NCALD: variants seen among roughly 807,000 people sequenced by gnomAD.
NCALD encodes neurocalcin-delta.
In NCALD, 10 loss-of-function variants were observed where a neutral mutation model predicts 18.6. The observed-to-expected ratio is 0.54, with a 90% confidence interval of 0.33 to 0.91. The LOEUF is 0.91. NCALD is among the 40% of genes least tolerant of loss of function. The pLI is 0.03. For missense variants in NCALD, 184 were observed against 247.6 expected (o/e 0.74, Z 1.72); for synonymous variants, 88 against 87.4 (o/e 1.01, Z -0.04).
intron 2 of NCALD, among the ~76,000 whole-genome samples, chr8:101,930,200 CAT>C (rs767558210): frequency 7.2e-4 from 110 of 151,902 alleles, no homozygotes; most frequent in Non-Finnish European, 1.2e-3. Flanking sequence ...AGAAAAATAA[CAT>C]ATTTTTATTA....
chr8:101,764,568 T>C (rs532394686), intron 1 of NCALD, among the ~76,000 whole-genome samples: 1 of 152,292 alleles, frequency 6.6e-6, no homozygotes, highest in East Asian at 1.9e-4. Context: ...CAGCCCCCTT[T>C]GAAAGACCTT....
At chr8:101,970,602 A>G (rs1022824927) in intron 2 of NCALD, among the ~76,000 whole-genome samples, 1 of 152,204 alleles carries the variant, frequency 6.6e-6, no homozygotes, top group African/African-American at 2.4e-5. Flanking sequence ...AAAGCCTAAC[A>G]TGTGGTTTAA....
At chr8:102,100,636 A>G (rs1050808581) in intron 1 of NCALD, among the ~76,000 whole-genome samples, 1 of 152,240 alleles carries the variant, frequency 6.6e-6, no homozygotes, top group East Asian at 1.9e-4. Context: ...ATTAGCCAAT[A>G]GGTGGAAGGA....
chr8:101,938,518 T>C (rs1434663584), intron 2 of NCALD, among the ~76,000 whole-genome samples: 2 of 152,180 alleles, frequency 1.3e-5, no homozygotes, highest in Non-Finnish European at 2.9e-5. Context: ...GATAAACAGC[T>C]ACAGTTTTCA....
At chr8:101,884,199 G>A (rs11777124) in intron 4 of NCALD, among the ~76,000 whole-genome samples, 8,125 of 152,242 alleles carry the variant, frequency 0.053, 310 homozygotes, top group South Asian at 0.085. Context: ...CTGCAGGGAA[G>A]CCTTCCCTGA....
At chr8:101,973,182 G>A (rs1186269266) in intron 2 of NCALD, among the ~76,000 whole-genome samples, 1 of 152,170 alleles carries the variant, frequency 6.6e-6, no homozygotes, top group African/African-American at 2.4e-5. Flanking sequence ...ACTTTGTTCA[G>A]ATTTCCTTAG....
In NCALD at chr8:101,689,810, C is replaced by T. The variant is rs1216734650; in HGVS notation, c.485-404G>A. On this transcript the variant is annotated intron_variant, in intron 3 of 3. Transcript: ENST00000220931. The surrounding 1 kb of genome is among the most constrained non-coding windows in gnomAD (Gnocchi z 4.4). Reference sequence around the variant, plus strand: ...TGCATTTATGAGAATGAGCTGGGCCCTGGCAGCACCCGGTTGGTTCCCATA... The same window carrying T: ...TGCATTTATGAGAATGAGCTGGGCCTTGGCAGCACCCGGTTGGTTCCCATA... Among the ~76,000 whole-genome samples the T allele has an allele frequency of 6.6e-6, 1 of 152,218 alleles. No individual in the cohort carries two copies. The highest frequency in any genetic ancestry group is 1.5e-5 in the Non-Finnish European group (1 of 68,038).
At chr8:102,116,107 G>A (rs1313075638) in intron 1 of NCALD, among the ~76,000 whole-genome samples, 4 of 146,524 alleles carry the variant, frequency 2.7e-5, no homozygotes, top group Non-Finnish European at 4.5e-5. Context: ...GGGGCCTGTC[G>A]TAGGGTGGGG....
intron 1 of NCALD, among the ~76,000 whole-genome samples, chr8:101,763,966 CCACACACACA>C (rs754411989): frequency 2.9e-4 from 25 of 85,298 alleles, no homozygotes; most frequent in African/African-American, 9.0e-4. Flanking sequence ...CTCTCTCTCT[CCACACACACA>C]CACACACACA....
intron 4 of NCALD, among the ~76,000 whole-genome samples, chr8:101,878,453 T>C (rs181009545): frequency 2.2e-4 from 34 of 152,358 alleles, no homozygotes; most frequent in Middle Eastern, 3.4e-3. Flanking sequence ...GTTTTAAATA[T>C]AATTTTGTTT....
chr8:101,872,116 T>G, intron 4 of NCALD: 1 of 1,602,076 alleles, frequency 6.2e-7, no homozygotes, highest in Non-Finnish European at 8.5e-7. Context: ...TTTGATAAAT[T>G]TGACATCAGG....
intron 3 of NCALD, chr8:101,692,098 G>C: frequency 1.0e-6 from 1 of 974,678 alleles, no homozygotes; most frequent in South Asian, 4.7e-5. Context: ...AACTGTTGCT[G>C]TTTATCTGAA....
intron 4 of NCALD, among the ~76,000 whole-genome samples, chr8:101,844,005 A>G (rs1330868067): frequency 6.6e-6 from 1 of 152,248 alleles, no homozygotes; most frequent in African/African-American, 2.4e-5. Flanking sequence ...AACATTTGCC[A>G]TACTGGCTTG....
chr8:101,890,312 G>A (rs1420913694), intron 3 of NCALD, among the ~76,000 whole-genome samples: 1 of 152,058 alleles, frequency 6.6e-6, no homozygotes, highest in East Asian at 1.9e-4. Context: ...CTGATAGTGG[G>A]GGTAGAAATT....
chr8:101,869,636 T>C (rs1404699603), intron 4 of NCALD, among the ~76,000 whole-genome samples: 1 of 152,144 alleles, frequency 6.6e-6, no homozygotes, highest in Admixed American at 6.6e-5. Flanking sequence ...GGGCTGCAGG[T>C]TCCATCTGCC....
intron 1 of NCALD, among the ~76,000 whole-genome samples, chr8:101,724,289 A>T (rs1412673757): frequency 6.6e-6 from 1 of 152,258 alleles, no homozygotes; most frequent in Non-Finnish European, 1.5e-5. Flanking sequence ...GGAAACTATA[A>T]TCAGAGTGTA....
chr8:101,858,248 C>T (rs567893475), intron 4 of NCALD, among the ~76,000 whole-genome samples: 10 of 152,228 alleles, frequency 6.6e-5, no homozygotes, highest in South Asian at 6.2e-4. Context: ...CAGTTTCACA[C>T]GTCATTGGAT....
chr8:102,106,262 G>C (rs1200696539), intron 1 of NCALD, among the ~76,000 whole-genome samples: 1 of 151,338 alleles, frequency 6.6e-6, no homozygotes, highest in African/African-American at 2.4e-5. Context: ...TAGTAGGGGG[G>C]GTGGTTTCAC....
chr8:101,765,327 T>A lies in NCALD; in HGVS notation c.-20+25535A>T, dbSNP rs150388101. Reference sequence around the variant, plus strand: ...TCATAAATATTTGCTGTTCCTGCAGTTGCTGCATTAAACTGAGCGGGGCAA... The same window carrying A: ...TCATAAATATTTGCTGTTCCTGCAGATGCTGCATTAAACTGAGCGGGGCAA... On this transcript the variant is annotated intron_variant, in intron 1 of 3. Transcript: ENST00000220931. 5.5e-3 allele frequency among the ~76,000 whole-genome samples: 845 copies of A among 152,298 alleles called. 11 individuals are homozygous for A. The highest frequency in any genetic ancestry group is 0.018 in the African/African-American group (740 of 41,564).
Sources: gnomAD v4.1 joint callset for allele counts (sites outside exome capture counted in the v4.1 genomes callset) on GRCh38, gnomAD v4.1.1 for gene constraint, Gnocchi (gnomAD v3.1) non-coding constraint, MANE v1.5 for transcripts, NCBI Gene and HGNC (gene_info 2026-07-23, HGNC 2026-07-21) for gene names.